The following CYP2C19 variants were observed in gnomAD, a reference collection of about 807,000 sequenced individuals.
CYP2C19 encodes cytochrome P450 2C19.
A neutral mutation model predicts 40.9 loss-of-function variants in CYP2C19; 59 were observed. The ratio of observed to expected loss-of-function variants is 1.44; its 90% CI spans 1.17 to 1.79. CYP2C19 has a LOEUF of 1.79. Ranked by LOEUF, CYP2C19 falls within the 40% of genes most tolerant of loss-of-function variation. The probability of loss-of-function intolerance (pLI) is 0.00; values close to 1 mark genes in which losing one functional copy is unlikely to be tolerated. For missense variants in CYP2C19, 754 were observed against 596.9 expected, an observed-to-expected ratio of 1.26 and a Z score of -2.74; for synonymous variants, 253 against 208.7, an observed-to-expected ratio of 1.21 and a Z score of -1.83.
chr10:94,811,912 A>G (rs902037117), intron 5 of CYP2C19, among the ~76,000 whole-genome samples: 5 of 151,952 alleles, frequency 3.3e-5, no homozygotes, highest in Non-Finnish European at 7.4e-5. Flanking sequence ...TAATCCTGCC[A>G]TTATGATGCT....
intron 5 of CYP2C19, among the ~76,000 whole-genome samples, chr10:94,810,673 T>A (rs930013654): frequency 1.3e-5 from 2 of 152,218 alleles, no homozygotes; most frequent in East Asian, 1.9e-4. Flanking sequence ...TTTATTTGCA[T>A]AGAGGTGTTT....
chr10:94,848,963 TAAG>T (rs1402880998), intron 7 of CYP2C19, among the ~76,000 whole-genome samples: 5 of 152,184 alleles, frequency 3.3e-5, no homozygotes, highest in Non-Finnish European at 7.3e-5. Context: ...TTTATCAGCT[TAAG>T]GAGATTTTGG....
chr10:94,853,990 C>G lies in CYP2C19; in HGVS notation c.*1076C>G, dbSNP rs2134296182. Among the ~76,000 whole-genome samples the G allele has an allele frequency of 6.6e-6, 1 of 152,028 alleles. No homozygotes were observed. The highest frequency in any genetic ancestry group is 6.6e-5 in the Admixed American group (1 of 15,236). On this transcript the variant is annotated 3_prime_UTR_variant, in exon 9 of 9. Coordinates refer to ENST00000371321, the MANE Select transcript of CYP2C19 (RefSeq NM_000769.4). Reference sequence around the variant, plus strand: ...TGCTCATGTGTTTTGTCATGCTTCTCTCTTCAAACATGAACAAAATTTCTT... The same window carrying G: ...TGCTCATGTGTTTTGTCATGCTTCTGTCTTCAAACATGAACAAAATTTCTT...
chr10:94,821,657 G>T (rs1849123953), intron 6 of CYP2C19, among the ~76,000 whole-genome samples: 1 of 152,074 alleles, frequency 6.6e-6, no homozygotes, highest in South Asian at 2.1e-4. Flanking sequence ...AAGACTTTCG[G>T]TTATGCTGCA....
chr10:94,782,576 G>A (rs1341647834), intron 5 of CYP2C19, among the ~76,000 whole-genome samples: 2 of 152,100 alleles, frequency 1.3e-5, no homozygotes, highest in Non-Finnish European at 2.9e-5. Flanking sequence ...TCTAGAACTA[G>A]AAATACCATT....
intron 5 of CYP2C19, among the ~76,000 whole-genome samples, chr10:94,805,581 A>G (rs867932444): frequency 6.6e-6 from 1 of 152,142 alleles, no homozygotes; most frequent in African/African-American, 2.4e-5. Flanking sequence ...GAAACCTTAT[A>G]CCCATTTAAT....
At chr10:94,779,096 C>T (rs1306793289) in intron 3 of CYP2C19, among the ~76,000 whole-genome samples, 5 of 151,882 alleles carry the variant, frequency 3.3e-5, no homozygotes, top group African/African-American at 1.2e-4. Context: ...GGTAACATCA[C>T]ACACCAGGGC....
chr10:94,765,447 T>C (rs1295073274), intron 1 of CYP2C19, among the ~76,000 whole-genome samples: 2 of 152,076 alleles, frequency 1.3e-5, no homozygotes, highest in Non-Finnish European at 1.5e-5. Flanking sequence ...AAGGTGTGTG[T>C]TTGTTGTTTT....
chr10:94,771,301 G>A (rs534541428), intron 1 of CYP2C19, among the ~76,000 whole-genome samples: 2 of 152,232 alleles, frequency 1.3e-5, no homozygotes, highest in South Asian at 2.1e-4. Context: ...ATCATTAATA[G>A]GAAGTGGAAC....
Position 94,849,930 on chromosome 10 carries a change from T to A in CYP2C19, c.1163T>A (p.Leu388Ter). 4.3e-6 allele frequency: 7 copies of A among 1,613,718 alleles called. No homozygotes were observed. The highest frequency in any genetic ancestry group is 5.9e-6 in the Non-Finnish European group (7 of 1,179,744). ...TCTTGTTTCTAGGGCACAACCATATTAACTTCCCTCACTTCTGTGCTACAT... is the reference window on the plus strand; with the variant it reads ...TCTTGTTTCTAGGGCACAACCATATAAACTTCCCTCACTTCTGTGCTACAT... ...NYLIPKGTTI[L>*]TSLTSVLHDN... The change falls in exon 8 of 9, where the codon TTA becomes TAA. Residue 388 changes from leucine (L) to a stop codon, truncating the protein, a stop_gained. Coordinates refer to ENST00000371321, the MANE Select transcript of CYP2C19 (RefSeq NM_000769.4). LOFTEE classifies it high-confidence loss of function.
At chr10:94,764,395 T>C (rs1468810161) in intron 1 of CYP2C19, among the ~76,000 whole-genome samples, 3 of 152,170 alleles carry the variant, frequency 2.0e-5, no homozygotes, top group Non-Finnish European at 2.9e-5. Context: ...TTTTACAGTG[T>C]TGATTGGTGC....
intron 5 of CYP2C19, among the ~76,000 whole-genome samples, chr10:94,793,579 G>A (rs868770951): frequency 1.3e-5 from 2 of 152,108 alleles, no homozygotes; most frequent in Admixed American, 6.6e-5. Flanking sequence ...CCTTCTAATA[G>A]TCAGGACTCT....
chr10:94,839,892 G>T (rs560468461), intron 6 of CYP2C19, among the ~76,000 whole-genome samples: 1 of 152,152 alleles, frequency 6.6e-6, no homozygotes, highest in Admixed American at 6.5e-5. Flanking sequence ...CTGGGTTAAG[G>T]GAATTATCAG....
At chr10:94,811,060 C>A (rs116524305) in intron 5 of CYP2C19, among the ~76,000 whole-genome samples, 1 of 152,162 alleles carries the variant, frequency 6.6e-6, no homozygotes, top group East Asian at 1.9e-4. Flanking sequence ...TTAGCTGTGT[C>A]TTGGAGATTC....
chr10:94,796,699 G>T (rs1414113089), intron 5 of CYP2C19, among the ~76,000 whole-genome samples: 1 of 152,110 alleles, frequency 6.6e-6, no homozygotes, highest in African/African-American at 2.4e-5. Context: ...TCTCCTTGAA[G>T]AGGTCCTTAA....
intron 5 of CYP2C19, among the ~76,000 whole-genome samples, chr10:94,792,749 G>A (rs1458198709): frequency 6.6e-6 from 1 of 152,116 alleles, no homozygotes; most frequent in African/African-American, 2.4e-5. Flanking sequence ...GCTTCCCTTT[G>A]GGGGTAACCC....
intron 1 of CYP2C19, among the ~76,000 whole-genome samples, chr10:94,769,948 C>G (rs1294960940): frequency 1.3e-5 from 2 of 152,128 alleles, no homozygotes; most frequent in Non-Finnish European, 2.9e-5. Flanking sequence ...TCAGACATAA[C>G]AAGAAAGGCA....
At chr10:94,783,348 G>T (rs1232018291) in intron 5 of CYP2C19, among the ~76,000 whole-genome samples, 1 of 151,984 alleles carries the variant, frequency 6.6e-6, no homozygotes, top group Non-Finnish European at 1.5e-5. Flanking sequence ...TCAGAAGAGG[G>T]GTTTCAGATG....
intron 8 of CYP2C19, among the ~76,000 whole-genome samples, 165 bp from the exon 9 acceptor site, chr10:94,852,568 C>T (rs139300969): frequency 6.6e-6 from 1 of 152,296 alleles, no homozygotes; most frequent in East Asian, 1.9e-4. Context: ...ACCCATCCAT[C>T]CTTTCATTCA....
Sources: gnomAD v4.1 joint callset for allele counts (sites outside exome capture counted in the v4.1 genomes callset) on GRCh38, gnomAD v4.1.1 for gene constraint, MANE v1.5 for transcripts, NCBI Gene and HGNC (gene_info 2026-07-23, HGNC 2026-07-21) for gene names.